HK1: variants seen among roughly 807,000 people sequenced by gnomAD.
HK1 encodes the protein hexokinase-1.
HK1 carries 28 observed loss-of-function variants against 91.6 expected under a neutral mutation model. The observed-to-expected ratio is 0.31, with a 90% CI of 0.23 to 0.42. The LOEUF (loss-of-function observed/expected upper bound fraction) is 0.42, where lower values mean the gene tolerates loss of function less well. Ranked by LOEUF, HK1 falls within the 10% of genes least tolerant of loss-of-function variation. The pLI is 1.00. For missense variants in HK1, 770 were observed against 1,219.8 expected (o/e 0.63, Z 5.49); for synonymous variants, 430 against 468.1 (o/e 0.92, Z 1.05).
intron 5 of HK1, among the ~76,000 whole-genome samples, chr10:69,309,917 G>A (rs1846285347): frequency 1.3e-5 from 2 of 151,526 alleles, no homozygotes; most frequent in African/African-American, 4.9e-5. Flanking sequence ...GGGTGTTGTG[G>A]CGCATGCCTG....
At chr10:69,325,768 C>T (rs373436554) in intron 1 of HK1, among the ~76,000 whole-genome samples, 16 of 151,744 alleles carry the variant, frequency 1.1e-4, no homozygotes, top group Admixed American at 2.6e-4. Context: ...AACTCCTGAC[C>T]GCAAGTGATC....
chr10:69,389,437 TCA>T, intron 14 of HK1, 141 bp downstream of exon 14: 1 of 528,104 alleles, frequency 1.9e-6, no homozygotes, highest in South Asian at 1.5e-5. Context: ...GCTCCAGAGT[TCA>T]GGGCTGGACG....
In HK1 at chr10:69,400,978, T is replaced by A. The variant is rs140249926; in HGVS notation, c.2610-13T>A. On this transcript the variant is annotated splice_polypyrimidine_tract_variant and intron_variant, in intron 17 of 17. Transcript: ENST00000359426. ...CTTCCTCCAACTACCTTCTGTTTTC[T>A]CGTCCTTTTTAGCTTCTCCAGAATC... The A allele has an allele frequency of 1.8e-3, 2,833 of 1,614,228 alleles. 29 individuals carry two copies. The highest frequency in any genetic ancestry group is 0.013 in the South Asian group (1,174 of 91,088).
At chr10:69,311,249 G>T (rs1263011662), upstream of HK1, among the ~76,000 whole-genome samples, 1 of 152,180 alleles carries the variant, frequency 6.6e-6, no homozygotes, top group Non-Finnish European at 1.5e-5. Flanking sequence ...AAGGTATGAT[G>T]AAGTATGTCT....
At chr10:69,393,851 TGGG>T (rs1195707793) in intron 15 of HK1, among the ~76,000 whole-genome samples, 1 of 152,192 alleles carries the variant, frequency 6.6e-6, no homozygotes, top group Non-Finnish European at 1.5e-5. Context: ...GAGACCACCC[TGGG>T]CAACATAGGG....
chr10:69,292,273 A>G (rs749600280), intron 3 of HK1: 4 of 397,530 alleles, frequency 1.0e-5, no homozygotes, highest in African/African-American at 4.2e-5. Flanking sequence ...GGGTCTTGCT[A>G]TGTTGCCCAG....
chr10:69,276,118 A>AATATATATAT lies in HK1; in HGVS notation c.-391+6013_-391+6014insTATATATATA, dbSNP rs1554874322. ...AAAAAAAAAAAAAAAAAAAAAAAAA[A>AATATATATAT]ATACATATATATATATATATACACA... On this transcript the variant is annotated intron_variant, in intron 1 of 21. Transcript: ENST00000360289. 1.3e-3 allele frequency among the ~76,000 whole-genome samples: 48 copies of AATATATATAT among 38,258 alleles called. 1 individual carries two copies. Among genetic ancestry groups the AATATATATAT allele is most frequent in the South Asian group, 1.6e-3 (1 of 644 alleles). 25.1% of individuals were successfully genotyped at this position (38,258 alleles called of 152,430 possible).
At chr10:69,376,789 C>G in intron 7 of HK1, 145 bp from the exon 8 acceptor site, 1 of 1,029,494 alleles carries the variant, frequency 9.7e-7, no homozygotes, top group Non-Finnish European at 1.5e-6. Flanking sequence ...TGTTCAGTCA[C>G]TCAAGCACAT....
chr10:69,346,879 G>A (rs79495318), intron 2 of HK1, among the ~76,000 whole-genome samples: 3 of 151,982 alleles, frequency 2.0e-5, no homozygotes, highest in Admixed American at 6.6e-5. Flanking sequence ...AAGGGAAAAC[G>A]TCCCCTTTGC....
upstream of HK1, chr10:69,317,955 T>G (rs564607355): frequency 1.3e-6 from 1 of 761,250 alleles, no homozygotes; most frequent in Non-Finnish European, 1.6e-6. Context: ...TCTGGGAAAG[T>G]AGAAAACACG....
upstream of HK1, chr10:69,318,118 G>A (rs999286992): frequency 2.0e-6 from 2 of 985,346 alleles, no homozygotes; most frequent in African/African-American, 3.5e-5. Context: ...CACCGGAGCT[G>A]GTGACTCGGG....
At chr10:69,336,567 A>AT (rs1589503990) in intron 1 of HK1, among the ~76,000 whole-genome samples, 2 of 144,236 alleles carry the variant, frequency 1.4e-5, no homozygotes, top group East Asian at 2.0e-4. Flanking sequence ...TTCATTTGCC[A>AT]TTTTTTTCAG....
intron 17 of HK1, among the ~76,000 whole-genome samples, chr10:69,400,362 C>T (rs1463230407): frequency 6.6e-6 from 1 of 152,266 alleles, no homozygotes; most frequent in Non-Finnish European, 1.5e-5. Flanking sequence ...TTGAGCCCAA[C>T]TTACAAGCAT....
intron 15 of HK1, 41 bp downstream of exon 15, chr10:69,392,349 G>A (rs1482337132): frequency 6.8e-6 from 11 of 1,607,490 alleles, no homozygotes; most frequent in Non-Finnish European, 9.4e-6. Flanking sequence ...AGTCAGGGTG[G>A]GGGCAGCACT....
intron 3 of HK1, among the ~76,000 whole-genome samples, chr10:69,361,146 C>T (rs1207486650): frequency 6.6e-6 from 1 of 152,224 alleles, no homozygotes; most frequent in Non-Finnish European, 1.5e-5. Flanking sequence ...TAACCTGCTC[C>T]CTGGGATTTG....
At chr10:69,308,961 T>C (rs1589461633) in intron 5 of HK1, among the ~76,000 whole-genome samples, 1 of 152,206 alleles carries the variant, frequency 6.6e-6, no homozygotes, top group South Asian at 2.1e-4. Context: ...CACAGACCAG[T>C]TGGGGACCCT....
rs372918086 is a variant in HK1, at chr10:69,298,944, T to G, written c.-66-1825T>G. Among the ~76,000 whole-genome samples the G allele has an allele frequency of 2.5e-4, 38 of 151,034 alleles. 1 individual carries two copies. The East Asian group carries it at 6.9e-3, about 28-fold the overall frequency. ...AAATAGTTCATCTTTATCTCTTTATTTATTTATTTTTTGGAAACAGAGTCT... is the reference window on the plus strand; with the variant it reads ...AAATAGTTCATCTTTATCTCTTTATGTATTTATTTTTTGGAAACAGAGTCT... On this transcript the variant is annotated intron_variant, in intron 4 of 21. Coordinates refer to the HK1 transcript ENST00000360289.
intron 1 of HK1, chr10:69,278,860 G>C (rs1337747024): frequency 6.6e-6 from 1 of 152,138 alleles, no homozygotes. Context: ...ATTACGCAGT[G>C]GTGGGCACAT....
intron 2 of HK1, among the ~76,000 whole-genome samples, chr10:69,287,992 T>A (rs1039367096): frequency 2.0e-5 from 3 of 149,038 alleles, no homozygotes; most frequent in African/African-American, 4.9e-5. Context: ...AAAAAAAAAA[T>A]TAAAAATTAG....
Sources: gnomAD v4.1 joint callset for allele counts (sites outside exome capture counted in the v4.1 genomes callset) on GRCh38, gnomAD v4.1.1 for gene constraint, MANE v1.5 for transcripts, NCBI Gene and HGNC (gene_info 2026-07-23, HGNC 2026-07-21) for gene names.